Variants in GYG2 observed in about 807,000 individuals in gnomAD.
GYG2 encodes the protein glycogenin-2.
In GYG2, 29 loss-of-function variants were observed where a neutral mutation model predicts 29.4. The observed-to-expected ratio is 0.99, with a 90% confidence interval of 0.74 to 1.35. The LOEUF (loss-of-function observed/expected upper bound fraction) is 1.35, where lower values mean the gene tolerates loss of function less well. GYG2 is among the 40% of genes most tolerant of loss of function. GYG2 has a pLI of 0.00. For synonymous variants in GYG2, 167 were observed against 172.3 expected (o/e 0.97, Z 0.24); for missense variants, 370 against 385.7 (o/e 0.96, Z 0.34).
At chrX:2,875,192 C>T (rs1569075392) in intron 8 of GYG2, among the ~76,000 whole-genome samples, 2 of 111,807 alleles carry the variant, frequency 1.8e-5, no homozygotes, top group Non-Finnish European at 3.8e-5. Context: ...CCAGGATGCT[C>T]CTATTGTTGT....
intron 6 of GYG2, among the ~76,000 whole-genome samples, chrX:2,859,332 T>C (rs1260480889): frequency 9.0e-6 from 1 of 110,752 alleles, no homozygotes; most frequent in Non-Finnish European, 1.9e-5. Context: ...ACTGAATTGA[T>C]AGTAGTAGTA....
chrX:2,877,620 T>C lies in GYG2; in HGVS notation c.1251+313T>C, dbSNP rs1440897350. On this transcript the variant is annotated intron_variant, in intron 10 of 10. Transcript: ENST00000398806. ...GGAAATTAATGCGTAGCAATCCATT[T>C]TCTGAAATGAAGAGATTAAAAGCTG... 6.6e-6 allele frequency: 5 copies of C among 752,404 alleles called. No individual in the cohort carries two copies. In the African/African-American group the frequency reaches 1.2e-4, roughly 17 times the overall value. 62.0% of individuals were successfully genotyped at this position (752,404 alleles called of 1,213,427 possible). A position where few individuals can be genotyped will look rare whatever the true frequency, so the allele number is the denominator to read the frequency against.
chrX:2,842,457 C>T (rs992704709), intron 2 of GYG2, among the ~76,000 whole-genome samples: 1 of 110,168 alleles, frequency 9.1e-6, no homozygotes, highest in African/African-American at 3.3e-5. Context: ...TCGACCCTAG[C>T]ACTGGGATTA....
chrX:2,858,728 T>C (rs769350851), intron 6 of GYG2, among the ~76,000 whole-genome samples: 50 of 111,831 alleles, frequency 4.5e-4, no homozygotes, highest in Non-Finnish European at 7.9e-4. Context: ...ACAGATGTAA[T>C]GTACAGAACA....
intron 8 of GYG2, among the ~76,000 whole-genome samples, chrX:2,873,012 A>C (rs2088508635): frequency 8.9e-6 from 1 of 112,059 alleles, no homozygotes; most frequent in South Asian, 3.7e-4. Flanking sequence ...CAAGGCGCAT[A>C]CCCAAATCCC....
In GYG2 at chrX:2,870,099, AG is replaced by A. The variant is rs1333312859; in HGVS notation, c.1039-5710del. Among the ~76,000 whole-genome samples, 64 of 99,974 alleles carry A rather than the reference AG, an allele frequency of 6.4e-4. 1 individual carries two copies. The highest frequency in any genetic ancestry group is 2.4e-3 in the African/African-American group (63 of 26,731). 86.8% of individuals were successfully genotyped at this position (99,974 alleles called of 115,157 possible). On this transcript the variant is annotated intron_variant, in intron 8 of 10. Transcript: ENST00000398806. Reference sequence around the variant, plus strand: ...AATTAAAAGATTACAGATGTCCTTCAGTTTTTTTTTTTTTAAGCTATCAAGT... The same window carrying A: ...AATTAAAAGATTACAGATGTCCTTCATTTTTTTTTTTTTAAGCTATCAAGT...
chrX:2,859,221 A>C (rs2088095403), intron 6 of GYG2, among the ~76,000 whole-genome samples: 1 of 111,055 alleles, frequency 9.0e-6, no homozygotes. Flanking sequence ...TATTGCTCAG[A>C]TATTGATTAC....
chrX:2,830,259 T>A, intron 2 of GYG2, 64 bp downstream of exon 2: 1 of 1,001,800 alleles, frequency 1.0e-6, no homozygotes, highest in Non-Finnish European at 1.4e-6. Flanking sequence ...GACAGATTGG[T>A]CTGCACTGGG....
chrX:2,846,129 C>T (rs756063701), intron 3 of GYG2, among the ~76,000 whole-genome samples: 60 of 84,980 alleles, frequency 7.1e-4, no homozygotes, highest in African/African-American at 2.7e-3. Context: ...TGCCATGGCG[C>T]GATCTTGGCT....
At chrX:2,831,980 G>C (rs1185060377) in intron 2 of GYG2, among the ~76,000 whole-genome samples, 3 of 112,454 alleles carry the variant, frequency 2.7e-5, no homozygotes, top group Non-Finnish European at 5.6e-5. Context: ...GAAAGTGTCC[G>C]CCGCAGTGGC....
At chrX:2,832,457 C>T (rs1238265182) in intron 2 of GYG2, among the ~76,000 whole-genome samples, 2 of 111,902 alleles carry the variant, frequency 1.8e-5, no homozygotes, top group Admixed American at 1.9e-4. Flanking sequence ...TGGGTGTGGG[C>T]AGGGCTGGTT....
At chrX:2,867,932 C>T (rs1260656214) in intron 8 of GYG2, among the ~76,000 whole-genome samples, 2 of 109,565 alleles carry the variant, frequency 1.8e-5, no homozygotes, top group Non-Finnish European at 3.8e-5. Context: ...CCTGTCTCTA[C>T]TAAAAATACA....
In GYG2 at chrX:2,882,794, G is replaced by A. The variant is rs986718541; in HGVS notation, c.*1581G>A. ...ATCTCATTTGGACAAATGCTGGCACGTTGAAATTAAAATGTTAAAAAACAG... is the reference window on the plus strand; with the variant it reads ...ATCTCATTTGGACAAATGCTGGCACATTGAAATTAAAATGTTAAAAAACAG... On this transcript the variant is annotated 3_prime_UTR_variant, in exon 11 of 11. Transcript: ENST00000398806. The A allele has an allele frequency of 1.8e-5, 2 of 110,697 alleles. No individual in the cohort carries two copies. Among genetic ancestry groups the A allele is most frequent in the Non-Finnish European group, 3.8e-5 (2 of 52,940 alleles). 9.1% of individuals were successfully genotyped at this position (110,697 alleles called of 1,213,427 possible).
At chrX:2,840,755 A>T (rs774299102) in intron 2 of GYG2, among the ~76,000 whole-genome samples, 1 of 110,516 alleles carries the variant, frequency 9.0e-6, no homozygotes, top group South Asian at 3.8e-4. Context: ...TGGATGATAG[A>T]TGATAGATAT....
chrX:2,829,689 G>T (rs1305961187), intron 1 of GYG2, among the ~76,000 whole-genome samples: 1 of 108,314 alleles, frequency 9.2e-6, no homozygotes, highest in African/African-American at 3.4e-5. Context: ...TGACCGGGGG[G>T]CGCCAGCTGG....
chrX:2,880,006 T>C (rs2088685588), intron 10 of GYG2, among the ~76,000 whole-genome samples: 1 of 112,017 alleles, frequency 8.9e-6, no homozygotes, highest in Admixed American at 9.5e-5. Context: ...ATGAGATAGA[T>C]GATAAATAGA....
At chrX:2,871,677 G>A (rs945826310) in intron 8 of GYG2, among the ~76,000 whole-genome samples, 7 of 110,196 alleles carry the variant, frequency 6.4e-5, no homozygotes, top group Non-Finnish European at 1.3e-4. Flanking sequence ...GCAACAGAAC[G>A]AGACTCCGTC....
intron 8 of GYG2, among the ~76,000 whole-genome samples, chrX:2,864,292 G>C (rs764575617): frequency 1.8e-5 from 2 of 111,802 alleles, no homozygotes; most frequent in East Asian, 5.6e-4. Flanking sequence ...ATCAATATGC[G>C]TAAGAAGTAC....
chrX:2,855,546 GGTCT>G (rs1472393039), intron 5 of GYG2, among the ~76,000 whole-genome samples: 1 of 112,160 alleles, frequency 8.9e-6, no homozygotes, highest in African/African-American at 3.2e-5. Context: ...TCAGATGTAT[GGTCT>G]GTCTTTGACC....
Sources: gnomAD v4.1 joint callset for allele counts (sites outside exome capture counted in the v4.1 genomes callset) on GRCh38, gnomAD v4.1.1 for gene constraint, MANE v1.5 for transcripts, NCBI Gene and HGNC (gene_info 2026-07-23, HGNC 2026-07-21) for gene names.